The following MYO9A variants were observed in gnomAD, a reference collection of about 807,000 sequenced individuals.
MYO9A encodes unconventional myosin-IXa.
In MYO9A, 103 loss-of-function variants were observed where a neutral mutation model predicts 293.3. The observed-to-expected ratio is 0.35, with a 90% CI of 0.30 to 0.41. The LOEUF is 0.41. Ranked by LOEUF, MYO9A falls within the 10% of genes least tolerant of loss-of-function variation. MYO9A has a pLI of 1.00. For missense variants in MYO9A, 2,685 were observed against 3,033.0 expected, an observed-to-expected ratio of 0.89 and a Z score of 2.69; for synonymous variants, 1,001 against 1,035.7, an observed-to-expected ratio of 0.97 and a Z score of 0.64.
At chr15:72,041,172 G>A in intron 2 of MYO9A, 1 of 1,042,180 alleles carries the variant, frequency 9.6e-7, no homozygotes. Flanking sequence ...TTAAGCCAGG[G>A]AGGTTGAGGC....
At chr15:71,998,550 CTT>C (rs765185033) in intron 9 of MYO9A, among the ~76,000 whole-genome samples, 29 of 106,156 alleles carry the variant, frequency 2.7e-4, no homozygotes, top group African/African-American at 7.9e-4. Context: ...ATTTGGCTTT[CTT>C]TTTTTTTTTT....
chr15:72,110,995 T>C (rs1490124784), intron 1 of MYO9A, among the ~76,000 whole-genome samples: 3 of 151,668 alleles, frequency 2.0e-5, no homozygotes, highest in Non-Finnish European at 4.4e-5. Context: ...CTGTCTCTAC[T>C]AAAAATACAA....
rs1311180186 is a variant in MYO9A at position 71,824,374 on chromosome 15, T to C, written c.*2206A>G. ...CCACAAAGATTTAGAAGGAAGAACA[T>C]GTGCCAACATATGTTCTTCTGGCCA... On this transcript the variant is annotated 3_prime_UTR_variant, in exon 42 of 42. Transcript: ENST00000356056. 2 of 152,198 alleles carry C rather than the reference T, an allele frequency of 1.3e-5. No individual in the cohort carries two copies. Among genetic ancestry groups the C allele is most frequent in the African/African-American group, 2.4e-5 (1 of 41,456 alleles). 9.4% of individuals were successfully genotyped at this position (152,198 alleles called of 1,614,324 possible).
intron 34 of MYO9A, among the ~76,000 whole-genome samples, chr15:71,857,876 C>G (rs569006931): frequency 6.6e-6 from 1 of 152,262 alleles, no homozygotes; most frequent in Non-Finnish European, 1.5e-5. Flanking sequence ...GGGCTAATAT[C>G]CAGAATCTAC....
At chr15:71,913,387 G>C (rs1319995761) in intron 19 of MYO9A, among the ~76,000 whole-genome samples, 1 of 152,068 alleles carries the variant, frequency 6.6e-6, no homozygotes, top group African/African-American at 2.4e-5. Context: ...GTGAAAGACA[G>C]GACAGAACAA....
At chr15:71,906,761 T>C (rs1567255559) in intron 19 of MYO9A, among the ~76,000 whole-genome samples, 1 of 103,602 alleles carries the variant, frequency 9.7e-6, no homozygotes, top group African/African-American at 3.8e-5. Flanking sequence ...TTTCTTTCTT[T>C]TTTTTTTTTT....
intron 13 of MYO9A, among the ~76,000 whole-genome samples, chr15:71,967,177 A>G (rs185080305): frequency 3.5e-4 from 54 of 152,352 alleles, no homozygotes; most frequent in African/African-American, 1.2e-3. Context: ...TAACTTATTT[A>G]TAACACATAG....
At chr15:71,942,370 A>ATATGCTTT (rs1394161629) in intron 15 of MYO9A, among the ~76,000 whole-genome samples, 3 of 151,986 alleles carry the variant, frequency 2.0e-5, no homozygotes, top group African/African-American at 7.2e-5. Context: ...CTTTGTGTTT[A>ATATGCTTT]TATGCTTTAG....
chr15:72,105,698 G>A (rs1251487586), intron 1 of MYO9A, among the ~76,000 whole-genome samples: 1 of 151,856 alleles, frequency 6.6e-6, no homozygotes, highest in Non-Finnish European at 1.5e-5. Context: ...GTAGAGATGG[G>A]GTTTCTACAT....
At chr15:71,958,641 T>G (rs1037104964) in intron 14 of MYO9A, 5 of 152,172 alleles carry the variant, frequency 3.3e-5, no homozygotes, top group East Asian at 3.8e-4. Flanking sequence ...GAACTATACA[T>G]TTTTGCTTTG....
intron 1 of MYO9A, among the ~76,000 whole-genome samples, chr15:72,090,974 CA>C (rs958867319): frequency 1.3e-4 from 19 of 142,896 alleles, no homozygotes; most frequent in African/African-American, 7.7e-5. Flanking sequence ...ACAGCTTCAG[CA>C]AAAAAAAAAT....
intron 1 of MYO9A, among the ~76,000 whole-genome samples, chr15:72,093,968 G>A (rs1822719424): frequency 1.1e-5 from 1 of 90,604 alleles, no homozygotes; most frequent in East Asian, 2.3e-4. Context: ...ACATACATCT[G>A]AAGAAATCAC....
intron 11 of MYO9A, 143 bp from the exon 12 acceptor site, chr15:71,978,435 CA>C: frequency 1.5e-6 from 1 of 677,608 alleles, no homozygotes; most frequent in South Asian, 2.8e-5. Flanking sequence ...TGTATAATTT[CA>C]GTTGTACAAA....
At chr15:71,996,081 AGGT>A (rs1184686006) in intron 9 of MYO9A, among the ~76,000 whole-genome samples, 1 of 152,222 alleles carries the variant, frequency 6.6e-6, no homozygotes, top group Admixed American at 6.5e-5. Context: ...TCTGTGCATA[AGGT>A]GAACCAACTA....
intron 35 of MYO9A, among the ~76,000 whole-genome samples, chr15:71,852,890 G>C (rs2055712789): frequency 6.6e-6 from 1 of 152,186 alleles, no homozygotes; most frequent in Non-Finnish European, 1.5e-5. Flanking sequence ...TTGAGGCCAG[G>C]AGACAGAAAG....
chr15:71,849,951 A>ATTCACTATTTTATGAACCCC, intron 38 of MYO9A, 85 bp downstream of exon 38: 1 of 1,520,024 alleles, frequency 6.6e-7, no homozygotes, highest in Non-Finnish European at 9.1e-7. Context: ...TTATGAACCC[A>ATTCACTATTTTATGAACCCC]TTCACTATGT....
Position 71,848,965 on chromosome 15 carries a change from A to G in MYO9A, c.6717T>C (p.Cys2239=), listed in dbSNP as rs1462427301. The G allele has an allele frequency of 1.2e-5, 19 of 1,589,222 alleles. No homozygotes were observed. Among genetic ancestry groups the G allele is most frequent in the Non-Finnish European group, 1.6e-5 (19 of 1,173,376 alleles). Residue 2239 remains cysteine, a synonymous_variant, in exon 39 of 42, where the codon TGT becomes TGC. Transcript: ENST00000356056. The part of the protein sequence containing the change: ...SVQDISKTTT[C]VELIVVEQMN... Reference sequence around the variant, plus strand: ...TTTGTTCCACAACAATCAGTTCCACACAACTGAAACAGAAGGAAAGAGAAA... The same window carrying G: ...TTTGTTCCACAACAATCAGTTCCACGCAACTGAAACAGAAGGAAAGAGAAA...
At chr15:71,975,885 C>G (rs1244371641) in intron 12 of MYO9A, among the ~76,000 whole-genome samples, 1 of 152,172 alleles carries the variant, frequency 6.6e-6, no homozygotes, top group African/African-American at 2.4e-5. Context: ...TTCTGAATAG[C>G]TGAACATGTG....
chr15:71,836,838 T>A (rs2054963878), intron 39 of MYO9A, among the ~76,000 whole-genome samples: 1 of 152,038 alleles, frequency 6.6e-6, no homozygotes, highest in African/African-American at 2.4e-5. Flanking sequence ...ATCAGGTTAC[T>A]GCTTACCTTT....
Sources: allele counts gnomAD v4.1 joint callset (sites outside exome capture counted in the v4.1 genomes callset), GRCh38; gene constraint gnomAD v4.1.1; transcripts MANE v1.5; gene names NCBI Gene and HGNC (gene_info 2026-07-23, HGNC 2026-07-21).